The following ARHGEF39 variants were observed in gnomAD, a reference collection of about 807,000 sequenced individuals.
ARHGEF39 encodes Rho guanine nucleotide exchange factor (GEF) 39.
Under a neutral mutation model 47.5 loss-of-function variants are expected in ARHGEF39, and 45 were observed. The observed-to-expected ratio is 0.95, with a 90% CI of 0.75 to 1.22. ARHGEF39 has a LOEUF of 1.22. Among genes scored for constraint, ARHGEF39 ranks in the 50% most tolerant of loss-of-function variants. The pLI is 0.00. For missense variants in ARHGEF39, 411 were observed against 425.3 expected (o/e 0.97, Z 0.30); for synonymous variants, 164 against 167.8 (o/e 0.98, Z 0.17).
intron 4 of ARHGEF39, 147 bp from the exon 5 acceptor site, chr9:35,663,539 G>T: frequency 1.4e-6 from 1 of 689,962 alleles, no homozygotes; most frequent in Non-Finnish European, 2.5e-6. Context: ...TTTCATGTAG[G>T]ACTCAGAACC....
At position 35,663,332 on chromosome 9, in the gene ARHGEF39, T is replaced by C. The variant is rs1184459195; in HGVS notation, c.534A>G (p.Gln178=). The C allele has an allele frequency of 1.2e-6, 2 of 1,614,034 alleles. No homozygotes were observed. The highest frequency in any genetic ancestry group is 1.7e-6 in the Non-Finnish European group (2 of 1,179,914). Residue 178 remains glutamine (Q), a synonymous_variant, in exon 5 of 9, where the codon CAA becomes CAG. Transcript: ENST00000378387. ...ENTGPNSPDH[Q]QLTRAARLIS... is the part of the protein sequence containing the mutation. ...GGAGCAAGAACCTACGTGTGAGCTG[T>C]TGATGGTCAGGGCTGTTGGGACCTG...
chr9:35,662,135 T>C, intron 8 of ARHGEF39, 44 bp downstream of exon 8: 1 of 1,603,154 alleles, frequency 6.2e-7, no homozygotes, highest in Non-Finnish European at 8.5e-7. Flanking sequence ...TTCCTGCTTG[T>C]GGGCCTCATC....
chr9:35,662,089 C>T, intron 8 of ARHGEF39, 87 bp from the exon 9 acceptor site: 1 of 1,601,912 alleles, frequency 6.2e-7, no homozygotes, highest in African/African-American at 1.3e-5. Context: ...TGGGGTGTGC[C>T]AGACCAATGT....
rs559801036 is a variant in ARHGEF39, at chr9:35,664,975, C to A, written c.138+57G>T. ...CTCCGGGTTACCGACCTCGCAGAGA[C>A]CCTCCCACACCCTGGGGTCCCTGTC... On this transcript the variant is annotated intron_variant, in intron 1 of 8. Coordinates refer to ENST00000378387, the MANE Select transcript of ARHGEF39 (RefSeq NM_032818.3). 6.2e-4 allele frequency: 940 copies of A among 1,504,238 alleles called. 1 individual carries two copies. Among genetic ancestry groups the A allele is most frequent in the Admixed American group, 1.3e-3 (61 of 45,794 alleles). The allele number at this position is 1,504,238 out of a possible 1,614,324, so 93.2% of individuals were successfully genotyped here. A position where few individuals can be genotyped will look rare whatever the true frequency, so the allele number is the denominator to read the frequency against.
In ARHGEF39 at chr9:35,661,061, C is replaced by T. The variant is rs765492244; in HGVS notation, c.*926G>A. The T allele has an allele frequency of 6.2e-7, 1 of 1,614,150 alleles. No individual in the cohort carries two copies. The highest frequency in any genetic ancestry group is 1.1e-5 in the South Asian group (1 of 91,088). ...CAGAGACATGGAACCTAGCTACTTC[C>T]TGGGAGGTGGGGCGGGGACTACGGA... On this transcript the variant is annotated 3_prime_UTR_variant, in exon 9 of 9. Coordinates refer to ENST00000378387, the MANE Select transcript of ARHGEF39 (RefSeq NM_032818.3).
chr9:35,664,519 C>A, intron 2 of ARHGEF39, 27 bp from the exon 3 acceptor site: 1 of 1,577,166 alleles, frequency 6.3e-7, no homozygotes. Flanking sequence ...AGCAAAAGGG[C>A]AGCTCTAGAA....
rs1206535753 is a variant in ARHGEF39 at position 35,663,343 on chromosome 9, G to C, written c.523C>G (p.Pro175Ala). The change falls in exon 5 of 9, where the codon CCT becomes GCT. Residue 175 changes from proline to alanine, a missense_variant. Pro to Ala is a conservative substitution (Grantham distance 27). Transcript: ENST00000378387. ...CTACGTGTGAGCTGTTGATGGTCAG[G>C]GCTGTTGGGACCTGTGTTTTCAGCC... ...ALAENTGPNS[P>A]DHQQLTRAAR... The C allele has an allele frequency of 6.2e-7, 1 of 1,614,000 alleles. No homozygotes were observed. Among genetic ancestry groups the C allele is most frequent in the Non-Finnish European group, 8.5e-7 (1 of 1,179,928 alleles).
In ARHGEF39 at chr9:35,662,264, A is replaced by G. The variant is rs1485343512; in HGVS notation, c.907T>C (p.Ser303Pro). The G allele has an allele frequency of 3.7e-6, 6 of 1,613,674 alleles. No homozygotes were observed. Among genetic ancestry groups the G allele is most frequent in the Non-Finnish European group, 5.1e-6 (6 of 1,179,676 alleles). Reference protein sequence around the residue: ...GGPCGGLLSLSFPHEKLLLMS... With the variant: ...GGPCGGLLSLPFPHEKLLLMS... ...AGCAGTAGCTTCTCATGAGGGAAGGACAGCTAGAGAGAGACCACCTCTTAG... is the reference window on the plus strand; with the variant it reads ...AGCAGTAGCTTCTCATGAGGGAAGGGCAGCTAGAGAGAGACCACCTCTTAG... The change falls in exon 8 of 9, where the codon TCC becomes CCC. Residue 303 changes from serine (S) to proline (P), a missense_variant. By Grantham distance (74) the Ser-to-Pro change is moderately conservative (BLOSUM62 -1). Transcript: ENST00000378387.
At chr9:35,662,114 G>A in intron 8 of ARHGEF39, 65 bp downstream of exon 8, 5 of 1,598,904 alleles carry the variant, frequency 3.1e-6, no homozygotes, top group Middle Eastern at 1.7e-4. Flanking sequence ...CATGAGACAG[G>A]AACTGCATAT....
rs533224381 is a variant in ARHGEF39 at position 35,660,821 on chromosome 9, T to C, written c.*1166A>G. 1.3e-4 allele frequency: 217 copies of C among 1,614,160 alleles called. 2 individuals carry two copies. The South Asian group carries it at 1.8e-3, about 14-fold the overall frequency. ...GGACCATCCACGAGCTGCTGCAAGA[T>C]AGCAAGCCGGACAAGGATATGGAGG... is the stretch of plus-strand genomic sequence containing the variant. On this transcript the variant is annotated 3_prime_UTR_variant, in exon 9 of 9. Coordinates refer to ENST00000378387, the MANE Select transcript of ARHGEF39 (RefSeq NM_032818.3).
Position 35,661,011 on chromosome 9 carries a change from T to G in ARHGEF39, c.*976A>C, listed in dbSNP as rs1823910203. On this transcript the variant is annotated 3_prime_UTR_variant, in exon 9 of 9. Transcript: ENST00000378387. ...GGAGGAGATTGGTGACAGTCAGGCCTGGGAGGAGCCCACAAACTGGAGCAC... is the reference window on the plus strand; with the variant it reads ...GGAGGAGATTGGTGACAGTCAGGCCGGGGAGGAGCCCACAAACTGGAGCAC... 2 of 1,613,944 alleles carry G rather than the reference T, an allele frequency of 1.2e-6. No homozygotes were observed. Among genetic ancestry groups the G allele is most frequent in the African/African-American group, 1.3e-5 (1 of 74,910 alleles).
Position 35,661,178 on chromosome 9 carries a change from G to T in ARHGEF39, c.*809C>A, listed in dbSNP as rs769798574. 1 of 1,595,900 alleles carries T rather than the reference G, an allele frequency of 6.3e-7. No individual in the cohort carries two copies. The highest frequency in any genetic ancestry group is 1.3e-5 in the African/African-American group (1 of 74,406). ...CTGAAGGTCGACTAAAACAAAGTCT[G>T]TTTTCATGATGGAGTGCTCCTGTGT... On this transcript the variant is annotated 3_prime_UTR_variant, in exon 9 of 9. Transcript: ENST00000378387.
In ARHGEF39 at chr9:35,664,855, G is replaced by A; in HGVS notation, c.139-5C>T. On this transcript the variant is annotated splice_region_variant and splice_polypyrimidine_tract_variant and intron_variant, in intron 1 of 8. Coordinates refer to ENST00000378387, the MANE Select transcript of ARHGEF39 (RefSeq NM_032818.3). ...TTTCAGGATCCCCAAAAAGTACTGC[G>A]GAAGGAGAGAACATTGGTTCTTAGC... 6.2e-7 allele frequency: 1 copy of A among 1,607,194 alleles called. No homozygotes were observed.
intron 4 of ARHGEF39, among the ~76,000 whole-genome samples, 159 bp from the exon 5 acceptor site, chr9:35,663,551 G>A (rs1195333385): frequency 2.0e-5 from 3 of 152,126 alleles, no homozygotes; most frequent in African/African-American, 7.2e-5. Context: ...CTCAGAACCA[G>A]GCTCACACCA....
In ARHGEF39 at chr9:35,659,577, G is replaced by C. The variant is rs1208702184; in HGVS notation, c.*2410C>G. The C allele has an allele frequency of 6.6e-6, 1 of 152,196 alleles. No homozygotes were observed. Among genetic ancestry groups the C allele is most frequent in the Non-Finnish European group, 1.5e-5 (1 of 68,046 alleles). 9.4% of individuals were successfully genotyped at this position (152,196 alleles called of 1,614,324 possible). ...CCAATCAGAATGCCCCTGGAGAATT[G>C]TATTCTCCTCAGGGCATTGCTTTAA... On this transcript the variant is annotated 3_prime_UTR_variant, in exon 9 of 9. Transcript: ENST00000378387.
chr9:35,660,413 A>C lies in ARHGEF39; in HGVS notation c.*1574T>G. On this transcript the variant is annotated 3_prime_UTR_variant, in exon 9 of 9. Coordinates refer to ENST00000378387, the MANE Select transcript of ARHGEF39 (RefSeq NM_032818.3). ...TCTTCCACAACAGGGGAAAGATGAA[A>C]CTGCGGTTCTCCACGAGGAGGCAAG... The C allele has an allele frequency of 1.9e-6, 3 of 1,605,208 alleles. No homozygotes were observed. Among genetic ancestry groups the C allele is most frequent in the Non-Finnish European group, 2.6e-6 (3 of 1,175,796 alleles).
At position 35,660,418 on chromosome 9, in the gene ARHGEF39, G is replaced by T; in HGVS notation, c.*1569C>A. 1.9e-6 allele frequency: 3 copies of T among 1,608,212 alleles called. No homozygotes were observed. Among genetic ancestry groups the T allele is most frequent in the Non-Finnish European group, 2.5e-6 (3 of 1,177,188 alleles). On this transcript the variant is annotated 3_prime_UTR_variant, in exon 9 of 9. Transcript: ENST00000378387. ...CACAACAGGGGAAAGATGAAACTGCGGTTCTCCACGAGGAGGCAAGCAAGC... is the reference window on the plus strand; with the variant it reads ...CACAACAGGGGAAAGATGAAACTGCTGTTCTCCACGAGGAGGCAAGCAAGC...
chr9:35,664,284 C>A, intron 3 of ARHGEF39, 88 bp downstream of exon 3: 2 of 1,535,014 alleles, frequency 1.3e-6, no homozygotes, highest in Non-Finnish European at 8.8e-7. Flanking sequence ...ACCCAGAGGG[C>A]TCTATAAATG....
intron 3 of ARHGEF39, 43 bp from the exon 4 acceptor site, chr9:35,664,169 CTCCTTATAT>C: frequency 6.3e-7 from 1 of 1,580,666 alleles, no homozygotes; most frequent in Middle Eastern, 1.7e-4. Flanking sequence ...AGAGAAGCCA[CTCCTTATAT>C]TGCATTCATC....
Sources: allele counts gnomAD v4.1 joint callset (sites outside exome capture counted in the v4.1 genomes callset), GRCh38; gene constraint gnomAD v4.1.1; transcripts MANE v1.5; gene names NCBI Gene and HGNC (gene_info 2026-07-23, HGNC 2026-07-21).